The following ENOX1 variants were observed in gnomAD, a reference collection of about 807,000 sequenced individuals.
ENOX1 encodes candidate growth-related and time keeping constitutive hydroquinone (NADH) oxidase.
Under a neutral mutation model 82.5 loss-of-function variants are expected in ENOX1, and 42 were observed. The ratio of observed to expected loss-of-function variants is 0.51; its 90% CI spans 0.40 to 0.66. ENOX1 has a LOEUF of 0.66. ENOX1 is among the 30% of genes least tolerant of loss of function. ENOX1 has a pLI of 0.00. For missense variants in ENOX1, 608 were observed against 811.6 expected (o/e 0.75, Z 3.05); for synonymous variants, 271 against 282.2 (o/e 0.96, Z 0.40).
chr13:43,589,461 T>C (rs1185925868), intron 2 of ENOX1, among the ~76,000 whole-genome samples: 1 of 152,040 alleles, frequency 6.6e-6, no homozygotes, highest in Non-Finnish European at 1.5e-5. Context: ...AGATCTCAGA[T>C]GGTGTGAAGT....
At chr13:43,291,091 C>A (rs920539938) in intron 12 of ENOX1, among the ~76,000 whole-genome samples, 2 of 152,100 alleles carry the variant, frequency 1.3e-5, no homozygotes, top group South Asian at 2.1e-4. Flanking sequence ...TTATCATTAC[C>A]AAATGTTGAA....
intron 14 of ENOX1, among the ~76,000 whole-genome samples, chr13:43,261,156 A>G (rs1264152414): frequency 6.6e-6 from 1 of 152,210 alleles, no homozygotes; most frequent in East Asian, 1.9e-4. Flanking sequence ...ATGCTGGACA[A>G]TGTGTTGGTC....
intron 2 of ENOX1, among the ~76,000 whole-genome samples, chr13:43,528,614 T>C (rs2078080531): frequency 6.6e-6 from 1 of 152,116 alleles, no homozygotes; most frequent in Non-Finnish European, 1.5e-5. Context: ...TGCCTTTGAA[T>C]ATTTATTTTT....
At chr13:43,768,089 A>G (rs1235036960) in intron 1 of ENOX1, among the ~76,000 whole-genome samples, 1 of 152,220 alleles carries the variant, frequency 6.6e-6, no homozygotes, top group African/African-American at 2.4e-5. Flanking sequence ...TTCCCCACTA[A>G]GTACTCTACA....
intron 3 of ENOX1, among the ~76,000 whole-genome samples, chr13:43,473,134 T>G (rs1347207702): frequency 1.3e-5 from 2 of 152,308 alleles, no homozygotes; most frequent in African/African-American, 4.8e-5. Context: ...CTTCACATCG[T>G]CTCTCAATTT....
At chr13:43,584,228 T>A (rs2080876197) in intron 2 of ENOX1, among the ~76,000 whole-genome samples, 1 of 152,150 alleles carries the variant, frequency 6.6e-6, no homozygotes, top group Admixed American at 6.5e-5. Context: ...AGGAAAGAAG[T>A]CGGGATGGAA....
At chr13:43,504,750 C>A (rs1007428081) in intron 2 of ENOX1, among the ~76,000 whole-genome samples, 1 of 151,208 alleles carries the variant, frequency 6.6e-6, no homozygotes, top group Non-Finnish European at 1.5e-5. Flanking sequence ...CAGTAGAGTG[C>A]CTATAGTTAA....
intron 2 of ENOX1, among the ~76,000 whole-genome samples, chr13:43,596,189 GTTAACA>G (rs1168190864): frequency 6.6e-6 from 1 of 152,220 alleles, no homozygotes; most frequent in Non-Finnish European, 1.5e-5. Context: ...TTTAGGGCAT[GTTAACA>G]TAGATTTTAA....
intron 1 of ENOX1, among the ~76,000 whole-genome samples, chr13:43,708,479 T>C (rs1358046734): frequency 6.6e-6 from 1 of 152,194 alleles, no homozygotes; most frequent in Non-Finnish European, 1.5e-5. Context: ...TAATAAACTT[T>C]GACTCCTATT....
chr13:43,667,151 G>T (rs1047971695), intron 2 of ENOX1, among the ~76,000 whole-genome samples: 2 of 152,196 alleles, frequency 1.3e-5, no homozygotes, highest in Non-Finnish European at 2.9e-5. Flanking sequence ...TTACATAAGT[G>T]TTGAAAAGAT....
intron 9 of ENOX1, among the ~76,000 whole-genome samples, chr13:43,340,430 T>C (rs1430092626): frequency 6.6e-6 from 1 of 152,222 alleles, no homozygotes; most frequent in Non-Finnish European, 1.5e-5. Context: ...TTTCACAATC[T>C]CGGTTGATAT....
intron 9 of ENOX1, among the ~76,000 whole-genome samples, chr13:43,331,531 T>G (rs1199747324): frequency 8.5e-5 from 13 of 152,148 alleles, no homozygotes. Flanking sequence ...TTTTCCCAAA[T>G]CCTCTATGAA....
chr13:43,569,012 T>C (rs746795420), intron 2 of ENOX1, among the ~76,000 whole-genome samples: 3 of 152,114 alleles, frequency 2.0e-5, no homozygotes, highest in Non-Finnish European at 4.4e-5. Flanking sequence ...AAAATGTTTG[T>C]TGAATCTTTG....
chr13:43,523,970 C>T (rs1237184587), intron 2 of ENOX1, among the ~76,000 whole-genome samples: 12 of 152,052 alleles, frequency 7.9e-5, no homozygotes, highest in Non-Finnish European at 1.5e-5. Context: ...CATTACTGTT[C>T]TTCACCTAAC....
rs1296587426 is a variant in ENOX1 at position 43,726,716 on chromosome 13, TTTTGTG to T, written c.-284-59178_-284-59173del. ...GAGGAAACTGAAGAAACGCATTGAC[TTTTGTG>T]TGTGTGTGTGTGTGTGTGTGTGTGT... On this transcript the variant is annotated intron_variant, in intron 1 of 16. Coordinates refer to ENST00000690772, the MANE Select transcript of ENOX1 (RefSeq NM_001347969.2). Among the ~76,000 whole-genome samples the T allele has an allele frequency of 9.5e-3, 1,014 of 106,252 alleles. 12 individuals carry two copies. The highest frequency in any genetic ancestry group is 0.041 in the African/African-American group (982 of 24,234). 69.7% of individuals were successfully genotyped at this position (106,252 alleles called of 152,430 possible).
chr13:43,461,944 A>C (rs1447800239), intron 3 of ENOX1, among the ~76,000 whole-genome samples: 3 of 152,206 alleles, frequency 2.0e-5, no homozygotes, highest in African/African-American at 7.2e-5. Context: ...CAATGAAACA[A>C]TTGGTTCTGG....
intron 2 of ENOX1, among the ~76,000 whole-genome samples, chr13:43,601,243 G>A (rs1455580240): frequency 1.3e-5 from 2 of 152,016 alleles, no homozygotes; most frequent in Non-Finnish European, 2.9e-5. Flanking sequence ...TTCAGACAAA[G>A]AATTCAAAAC....
At chr13:43,632,404 T>G (rs2153751361) in intron 2 of ENOX1, among the ~76,000 whole-genome samples, 2 of 151,858 alleles carry the variant, frequency 1.3e-5, no homozygotes, top group East Asian at 3.9e-4. Flanking sequence ...TAGTGTATTA[T>G]ATATATAGCC....
chr13:43,607,334 T>C (rs2082019713), intron 2 of ENOX1, among the ~76,000 whole-genome samples: 1 of 152,226 alleles, frequency 6.6e-6, no homozygotes, highest in Non-Finnish European at 1.5e-5. Context: ...TAGAGTTTCC[T>C]TCTTTATTAA....
Sources: gnomAD v4.1 joint callset for allele counts (sites outside exome capture counted in the v4.1 genomes callset) on GRCh38, gnomAD v4.1.1 for gene constraint, MANE v1.5 for transcripts, NCBI Gene and HGNC (gene_info 2026-07-23, HGNC 2026-07-21) for gene names.